The following PRKN variants were observed in gnomAD, a reference collection of about 807,000 sequenced individuals.
The protein encoded by PRKN is E3 ubiquitin-protein ligase parkin.
A neutral mutation model predicts 59.5 loss-of-function variants in PRKN; 56 were observed. That is an observed-to-expected ratio of 0.94 (90% confidence interval 0.76 to 1.18). The LOEUF (loss-of-function observed/expected upper bound fraction) is 1.18, where lower values mean the gene tolerates loss of function less well. PRKN is among the 50% of genes most tolerant of loss of function. The pLI is 0.00. For synonymous variants in PRKN, 250 were observed against 222.1 expected (o/e 1.13, Z -1.12); for missense variants, 657 against 596.4 (o/e 1.10, Z -1.06).
At chr6:162,657,420 G>A (rs1252378117) in intron 1 of PRKN, among the ~76,000 whole-genome samples, 1 of 152,022 alleles carries the variant, frequency 6.6e-6, no homozygotes, top group Non-Finnish European at 1.5e-5. Context: ...TCAAAGTTGA[G>A]TAAATTTATA....
chr6:162,318,423 A>C (rs1454854300), intron 2 of PRKN, among the ~76,000 whole-genome samples: 1 of 152,038 alleles, frequency 6.6e-6, no homozygotes, highest in Non-Finnish European at 1.5e-5. Flanking sequence ...TACTGCTATG[A>C]ACAGTGATGT....
intron 6 of PRKN, among the ~76,000 whole-genome samples, chr6:161,857,343 G>A (rs2128223695): frequency 6.6e-6 from 1 of 152,296 alleles, no homozygotes; most frequent in South Asian, 2.1e-4. Flanking sequence ...CAATGCATAT[G>A]AGTAGGGTTG....
chr6:161,364,125 C>G (rs1380447379), intron 10 of PRKN, among the ~76,000 whole-genome samples: 1 of 139,886 alleles, frequency 7.1e-6, no homozygotes, highest in East Asian at 2.2e-4. Context: ...GCCGAGATCA[C>G]GCCACTGCAC....
intron 2 of PRKN, among the ~76,000 whole-genome samples, chr6:162,429,056 AT>A (rs1250219465): frequency 6.6e-6 from 1 of 152,148 alleles, no homozygotes; most frequent in Non-Finnish European, 1.5e-5. Context: ...GAAATTTACC[AT>A]TTTTATTGCT....
intron 6 of PRKN, among the ~76,000 whole-genome samples, chr6:161,912,182 A>C (rs1486101741): frequency 6.6e-6 from 1 of 152,020 alleles, no homozygotes; most frequent in Non-Finnish European, 1.5e-5. Flanking sequence ...GTCCTAAAAA[A>C]AAAAAAAAAA....
At position 161,352,769 on chromosome 6, in the gene PRKN, ATATTTTATTT is replaced by A. The variant is rs921565246; in HGVS notation, c.1286-2568_1286-2559del. Among the ~76,000 whole-genome samples, 4 of 119,448 alleles carry A rather than the reference ATATTTTATTT, an allele frequency of 3.3e-5. No homozygotes were observed. Among genetic ancestry groups the A allele is most frequent in the Admixed American group, 1.6e-4 (2 of 12,178 alleles). 78.4% of individuals were successfully genotyped at this position (119,448 alleles called of 152,430 possible). A position where few individuals can be genotyped will look rare whatever the true frequency, so the allele number is the denominator to read the frequency against. On this transcript the variant is annotated intron_variant, in intron 11 of 11. Transcript: ENST00000366898. The surrounding 1 kb of genome is among the most constrained non-coding windows in gnomAD (Gnocchi z 5.8). Reference sequence around the variant, plus strand: ...TGTGTGTGTGTGTATATATATATATATATTTTATTTTATTTTATTTTATTTTTTTGAGATG... The same window carrying A: ...TGTGTGTGTGTGTATATATATATATATATTTTATTTTATTTTTTTGAGATG...
chr6:162,362,180 GTTAC>G (rs1785175701), intron 2 of PRKN, among the ~76,000 whole-genome samples: 1 of 152,162 alleles, frequency 6.6e-6, no homozygotes, highest in Non-Finnish European at 1.5e-5. Context: ...AGAACATGCT[GTTAC>G]TTCTACTTGC....
chr6:161,895,686 C>A (rs373825467), intron 6 of PRKN, among the ~76,000 whole-genome samples: 18 of 111,028 alleles, frequency 1.6e-4, no homozygotes, highest in Non-Finnish European at 2.9e-4. Flanking sequence ...GCTGTTATGC[C>A]CCCCAGTGAG....
intron 2 of PRKN, among the ~76,000 whole-genome samples, chr6:162,366,730 A>AC (rs1785458500): frequency 6.6e-6 from 1 of 151,044 alleles, no homozygotes; most frequent in South Asian, 2.1e-4. Context: ...ACATGGAGAA[A>AC]CCCCGCCTCT....
chr6:162,635,098 T>G (rs1487431306), intron 1 of PRKN, among the ~76,000 whole-genome samples: 1 of 152,176 alleles, frequency 6.6e-6, no homozygotes, highest in African/African-American at 2.4e-5. Flanking sequence ...TTACTTGACT[T>G]GATTTCTTCC....
chr6:161,425,346 G>A (rs1788294357), intron 9 of PRKN, among the ~76,000 whole-genome samples: 1 of 152,172 alleles, frequency 6.6e-6, no homozygotes. Context: ...CATCAAAAAT[G>A]CACCTCCTGA....
Position 162,556,374 on chromosome 6 carries a change from T to TGTGTGTGTGTGTGCGC in PRKN, c.8-112902_8-112901insGCGCACACACACACAC, listed in dbSNP as rs1554243475. ...GTGTGTGTGTGTGTGTGTGTGTGTG[T>TGTGTGTGTGTGTGCGC]GTGTGTGTGTGTGTGTGTGTGTGTG... On this transcript the variant is annotated intron_variant, in intron 1 of 11. Coordinates refer to ENST00000366898, the MANE Select transcript of PRKN (RefSeq NM_004562.3). Among the ~76,000 whole-genome samples the TGTGTGTGTGTGTGCGC allele has an allele frequency of 1.7e-4, 21 of 124,236 alleles. No homozygotes were observed. The South Asian group carries it at 4.7e-3, about 28-fold the overall frequency. 81.5% of individuals were successfully genotyped at this position (124,236 alleles called of 152,430 possible). A position where few individuals can be genotyped will look rare whatever the true frequency, so the allele number is the denominator to read the frequency against.
chr6:162,375,760 CACACAA>C lies in PRKN; in HGVS notation c.171+67544_171+67549del, dbSNP rs1016047872. On this transcript the variant is annotated intron_variant, in intron 2 of 11. Coordinates refer to ENST00000366898, the MANE Select transcript of PRKN (RefSeq NM_004562.3). ...GGCTTTGTACACACACACACACACA[CACACAA>C]ACACACACCCCACTCTCTCTCTCTA... 2.8e-4 allele frequency among the ~76,000 whole-genome samples: 43 copies of C among 151,916 alleles called. No homozygotes were observed. In the South Asian group the frequency reaches 8.6e-3, roughly 30 times the overall value.
In PRKN at chr6:161,410,550, C is replaced by T. The variant is rs887313728; in HGVS notation, c.1084-23673G>A. Among the ~76,000 whole-genome samples, 2 of 152,086 alleles carry T rather than the reference C, an allele frequency of 1.3e-5. No homozygotes were observed. Among genetic ancestry groups the T allele is most frequent in the Non-Finnish European group, 2.9e-5 (2 of 68,018 alleles). ...TGCTCCTGGCAGATACTCTAAGGAG[C>T]CCGGGTCTGAGCTGGACACACACAG... is the stretch of plus-strand genomic sequence containing the variant. On this transcript the variant is annotated intron_variant, in intron 9 of 11. Transcript: ENST00000366898. This position sits in a 1 kb window ranked among gnomAD's most constrained non-coding sequence, Gnocchi z 5.3.
intron 1 of PRKN, among the ~76,000 whole-genome samples, chr6:162,575,217 G>C (rs574016224): frequency 2.0e-5 from 3 of 152,242 alleles, no homozygotes; most frequent in African/African-American, 7.2e-5. Flanking sequence ...TGTCAGTCTT[G>C]GAGAAAGCGA....
At chr6:161,760,941 C>A (rs1432490144) in intron 7 of PRKN, among the ~76,000 whole-genome samples, 1 of 152,204 alleles carries the variant, frequency 6.6e-6, no homozygotes, top group Non-Finnish European at 1.5e-5. Flanking sequence ...TACAATGCAA[C>A]TTCGCTGGCC....
intron 5 of PRKN, among the ~76,000 whole-genome samples, chr6:162,021,462 T>TATATATA (rs1554261961): frequency 0.022 from 836 of 38,668 alleles, 1 homozygote; most frequent in Non-Finnish European, 0.031. Context: ...TATATATATA[T>TATATATA]TTTTTTTTTT....
intron 6 of PRKN, among the ~76,000 whole-genome samples, chr6:161,904,745 C>G (rs1778080066): frequency 6.6e-6 from 1 of 152,100 alleles, no homozygotes; most frequent in African/African-American, 2.4e-5. Context: ...TCTTGGGAAA[C>G]AGGGACTGGG....
intron 1 of PRKN, among the ~76,000 whole-genome samples, chr6:162,611,991 C>T (rs889817119): frequency 2.6e-5 from 4 of 151,246 alleles, no homozygotes; most frequent in Non-Finnish European, 5.9e-5. Flanking sequence ...CGAGACCATC[C>T]TGGCTAACAC....
Sources: gnomAD v4.1 joint callset for allele counts (sites outside exome capture counted in the v4.1 genomes callset) on GRCh38, gnomAD v4.1.1 for gene constraint, Gnocchi (gnomAD v3.1) non-coding constraint, MANE v1.5 for transcripts, NCBI Gene and HGNC (gene_info 2026-07-23, HGNC 2026-07-21) for gene names.